Variants in CCSER1 observed in about 807,000 individuals in gnomAD.
The protein encoded by CCSER1 is serine-rich coiled-coil domain-containing protein 1.
A neutral mutation model predicts 82.0 loss-of-function variants in CCSER1; 41 were observed. The observed-to-expected ratio is 0.50, with a 90% CI of 0.39 to 0.65. The LOEUF (loss-of-function observed/expected upper bound fraction) is 0.65. Ranked by LOEUF, CCSER1 falls within the 30% of genes least tolerant of loss-of-function variation. CCSER1 has a pLI of 0.00. For synonymous variants in CCSER1, 414 were observed against 383.9 expected (o/e 1.08, Z -0.92); for missense variants, 1,119 against 1,064.2 (o/e 1.05, Z -0.72).
intron 4 of CCSER1, among the ~76,000 whole-genome samples, chr4:90,426,302 A>C (rs1241673292): frequency 6.6e-6 from 1 of 152,222 alleles, no homozygotes; most frequent in Non-Finnish European, 1.5e-5. Context: ...GATTTATTTG[A>C]AGTATTAATA....
chr4:90,893,589 C>A (rs1255318722), intron 8 of CCSER1, among the ~76,000 whole-genome samples: 1 of 151,956 alleles, frequency 6.6e-6, no homozygotes, highest in Non-Finnish European at 1.5e-5. Context: ...CTGTGGCCAC[C>A]CATTCACTCT....
chr4:90,757,230 G>A (rs1488206540), intron 7 of CCSER1, among the ~76,000 whole-genome samples: 1 of 152,152 alleles, frequency 6.6e-6, no homozygotes, highest in Non-Finnish European at 1.5e-5. Context: ...AATAGAGTAG[G>A]TGTTCCAATT....
intron 5 of CCSER1, among the ~76,000 whole-genome samples, chr4:90,481,560 T>C (rs915780002): frequency 1.3e-5 from 2 of 152,204 alleles, no homozygotes; most frequent in Admixed American, 1.3e-4. Context: ...ACTTAATTTA[T>C]TGAGAGTTTT....
chr4:90,252,295 C>T (rs1015054526), intron 1 of CCSER1, among the ~76,000 whole-genome samples: 2 of 151,994 alleles, frequency 1.3e-5, no homozygotes, highest in East Asian at 3.9e-4. Context: ...TTGAGATGCT[C>T]AACCTATATA....
At chr4:90,860,321 T>A (rs891482298) in intron 8 of CCSER1, among the ~76,000 whole-genome samples, 1 of 151,384 alleles carries the variant, frequency 6.6e-6, no homozygotes, top group Non-Finnish European at 1.5e-5. Flanking sequence ...TGACACCCAC[T>A]AGGATGGCTT....
At chr4:90,468,195 T>C in intron 4 of CCSER1, 39 bp from the exon 5 acceptor site, 1 of 1,558,584 alleles carries the variant, frequency 6.4e-7, no homozygotes, top group Non-Finnish European at 8.7e-7. Flanking sequence ...AGTTCATAAA[T>C]AATTTTGACA....
intron 10 of CCSER1, among the ~76,000 whole-genome samples, chr4:91,247,595 A>C (rs1422512092): frequency 6.6e-6 from 1 of 152,086 alleles, no homozygotes; most frequent in African/African-American, 2.4e-5. Flanking sequence ...AGGGCCGGGC[A>C]TGGTGGCTCA....
In CCSER1 at chr4:91,455,104, T is replaced by C. The variant is rs571931970; in HGVS notation, c.2218-143468T>C. Among the ~76,000 whole-genome samples the C allele has an allele frequency of 4.6e-5, 7 of 152,222 alleles. No homozygotes were observed. The East Asian group carries it at 1.2e-3, about 25-fold the overall frequency. On this transcript the variant is annotated intron_variant, in intron 10 of 10. Transcript: ENST00000509176. Reference sequence around the variant, plus strand: ...ATATATCTAGGTTACTCACAAAATATTTGAGTTTAATAAAATTTCATGGAG... The same window carrying C: ...ATATATCTAGGTTACTCACAAAATACTTGAGTTTAATAAAATTTCATGGAG...
intron 10 of CCSER1, among the ~76,000 whole-genome samples, chr4:91,498,128 G>A (rs1318242150): frequency 6.6e-6 from 1 of 151,930 alleles, no homozygotes; most frequent in African/African-American, 2.4e-5. Context: ...ATCGACCCAA[G>A]GTCAGAGTGA....
At chr4:90,748,191 C>T (rs1340443746) in intron 7 of CCSER1, among the ~76,000 whole-genome samples, 1 of 105,328 alleles carries the variant, frequency 9.5e-6, no homozygotes, top group African/African-American at 3.7e-5. Context: ...CCCCCCTCCC[C>T]CCACCCCACA....
chr4:90,154,446 T>A (rs370946586), intron 1 of CCSER1, among the ~76,000 whole-genome samples: 6 of 146,536 alleles, frequency 4.1e-5, no homozygotes, highest in Non-Finnish European at 7.5e-5. Flanking sequence ...GGGGATGGCA[T>A]TGAATCTATA....
intron 5 of CCSER1, among the ~76,000 whole-genome samples, chr4:90,519,930 CATTG>C (rs984200518): frequency 2.6e-5 from 4 of 152,014 alleles, no homozygotes; most frequent in Non-Finnish European, 4.4e-5. Context: ...GTGAAAACTA[CATTG>C]ATTGGTTTAA....
At chr4:90,928,723 T>G (rs893588531) in intron 9 of CCSER1, among the ~76,000 whole-genome samples, 5 of 152,070 alleles carry the variant, frequency 3.3e-5, no homozygotes, top group South Asian at 2.1e-4. Flanking sequence ...GAAAATCGTG[T>G]TTAATCAAAA....
intron 3 of CCSER1, among the ~76,000 whole-genome samples, chr4:90,352,371 A>T (rs1743623494): frequency 6.6e-6 from 1 of 151,884 alleles, no homozygotes; most frequent in Non-Finnish European, 1.5e-5. Context: ...TAAACAAAAA[A>T]TACAGAGATT....
intron 5 of CCSER1, among the ~76,000 whole-genome samples, chr4:90,552,100 G>A (rs1427545470): frequency 6.6e-6 from 1 of 152,138 alleles, no homozygotes; most frequent in Non-Finnish European, 1.5e-5. Context: ...TCACAAGGGA[G>A]GAGAGCTCAT....
At chr4:90,687,543 C>T (rs566538343) in intron 6 of CCSER1, among the ~76,000 whole-genome samples, 4 of 152,180 alleles carry the variant, frequency 2.6e-5, no homozygotes, top group African/African-American at 9.6e-5. Flanking sequence ...TTCATATTCT[C>T]CCAGGCCTGC....
At chr4:91,219,269 T>C (rs569316394) in intron 10 of CCSER1, among the ~76,000 whole-genome samples, 1 of 151,378 alleles carries the variant, frequency 6.6e-6, no homozygotes, top group East Asian at 2.0e-4. Flanking sequence ...CAATTTTCTT[T>C]GGGCAAATAA....
intron 10 of CCSER1, among the ~76,000 whole-genome samples, chr4:91,316,968 G>T (rs1156724846): frequency 6.6e-6 from 1 of 151,874 alleles, no homozygotes; most frequent in Non-Finnish European, 1.5e-5. Context: ...AAATTGTCAT[G>T]CTATCTTACA....
At chr4:91,229,288 C>A (rs1026501968) in intron 10 of CCSER1, among the ~76,000 whole-genome samples, 71 of 138,140 alleles carry the variant, frequency 5.1e-4, no homozygotes, top group South Asian at 6.8e-4. Flanking sequence ...CAAAAACCTG[C>A]AAAAAAAAAA....
Sources: allele counts gnomAD v4.1 joint callset (sites outside exome capture counted in the v4.1 genomes callset), GRCh38; gene constraint gnomAD v4.1.1; transcripts MANE v1.5; gene names NCBI Gene and HGNC (gene_info 2026-07-23, HGNC 2026-07-21).